The following TRAPPC9 variants were observed in gnomAD, a reference collection of about 807,000 sequenced individuals.
TRAPPC9 encodes the protein trafficking protein particle complex subunit 9, also known as IKK2 binding protein.
A neutral mutation model predicts 124.0 loss-of-function variants in TRAPPC9; 83 were observed. The ratio of observed to expected loss-of-function variants is 0.67; its 90% CI spans 0.56 to 0.80. TRAPPC9 has a LOEUF of 0.80. TRAPPC9 is among the 30% of genes least tolerant of loss of function. The pLI, the probability that TRAPPC9 is intolerant of heterozygous loss-of-function variation, is 0.00. For missense variants in TRAPPC9, 1,302 were observed against 1,508.3 expected (o/e 0.86, Z 2.27); for synonymous variants, 638 against 617.5 (o/e 1.03, Z -0.49).
In TRAPPC9 at chr8:139,960,663, C is replaced by T. The variant is rs959302988; in HGVS notation, c.2810+28063G>A. Among the ~76,000 whole-genome samples the T allele has an allele frequency of 2.4e-4, 15 of 63,218 alleles. 6 individuals are homozygous for T. The highest frequency in any genetic ancestry group is 4.7e-4 in the Non-Finnish European group (9 of 19,208). The allele number at this position is 63,218 out of a possible 152,430, so 41.5% of individuals were successfully genotyped here. On this transcript the variant is annotated intron_variant, in intron 19 of 22. Transcript: ENST00000438773. Reference sequence around the variant, plus strand: ...GTAGGCCAGGACTCACCAATCTCTCCGTCCTCAACGGAGAAGCCAGAATCC... The same window carrying T: ...GTAGGCCAGGACTCACCAATCTCTCTGTCCTCAACGGAGAAGCCAGAATCC...
Position 140,311,253 on chromosome 8 carries a change from G to C in TRAPPC9, c.1617C>G (p.Ile539Met), listed in dbSNP as rs371833815. ...CTCTGCAGTGCCCATCTCACCTGAC[G>C]ATGGGAAGCTTGGTGAAGGGCACCG... The part of the protein sequence containing the change: ...LPPVPFTKLP[I>M]VRHVKLLNLP... Residue 539 changes from isoleucine to methionine, a missense_variant, in exon 10 of 23, where the codon ATC (isoleucine) becomes ATG (methionine). By Grantham distance (10) the Ile-to-Met change is conservative (BLOSUM62 1). This residue lies in a region of TRAPPC9 where 657 missense variants were observed against 811.2 expected (regional missense o/e 0.81). Coordinates refer to ENST00000438773, the MANE Select transcript of TRAPPC9 (RefSeq NM_001160372.4). 3 of 1,611,114 alleles carry C rather than the reference G, an allele frequency of 1.9e-6. No homozygotes were observed. In the African/African-American group the frequency reaches 4.0e-5, roughly 21 times the overall value.
chr8:140,251,201 C>T (rs2064124523), intron 16 of TRAPPC9, among the ~76,000 whole-genome samples: 1 of 152,242 alleles, frequency 6.6e-6, no homozygotes, highest in South Asian at 2.1e-4. Context: ...CGTGCCAAGA[C>T]ATAGCCCTGG....
chr8:140,438,441 C>T (rs553253446), intron 3 of TRAPPC9, among the ~76,000 whole-genome samples: 46 of 152,154 alleles, frequency 3.0e-4, no homozygotes, highest in Middle Eastern at 3.4e-3. Context: ...AGGGAGGAGT[C>T]TAAGAGGTGA....
At chr8:140,022,516 G>A (rs554302036) in intron 18 of TRAPPC9, among the ~76,000 whole-genome samples, 6 of 152,076 alleles carry the variant, frequency 3.9e-5, no homozygotes, top group African/African-American at 1.4e-4. Flanking sequence ...GGGTCATGAC[G>A]TGAAAACCAG....
At chr8:140,110,030 C>T (rs2060735090) in intron 17 of TRAPPC9, among the ~76,000 whole-genome samples, 1 of 152,096 alleles carries the variant, frequency 6.6e-6, no homozygotes, top group African/African-American at 2.4e-5. Flanking sequence ...CATCAACAGG[C>T]TCCGCATGCC....
At chr8:140,300,959 T>TA (rs1472776532) in intron 10 of TRAPPC9, among the ~76,000 whole-genome samples, 3 of 152,178 alleles carry the variant, frequency 2.0e-5, no homozygotes, top group African/African-American at 7.2e-5. Context: ...TGCCTTGCCA[T>TA]CTCTAAGACG....
intron 15 of TRAPPC9, chr8:140,262,870 ACTTGAAG>A (rs1386703771): frequency 1.3e-5 from 2 of 152,388 alleles, no homozygotes; most frequent in Middle Eastern, 3.4e-3. Flanking sequence ...AATTAATTCT[ACTTGAAG>A]GGCTCGGGAA....
At chr8:140,214,064 A>T (rs1300631625) in intron 17 of TRAPPC9, among the ~76,000 whole-genome samples, 1 of 152,244 alleles carries the variant, frequency 6.6e-6, no homozygotes, top group East Asian at 1.9e-4. Context: ...TCAACAGGCA[A>T]AGCCATGGGT....
At chr8:139,940,886 G>T (rs1281716801) in intron 19 of TRAPPC9, among the ~76,000 whole-genome samples, 1 of 152,240 alleles carries the variant, frequency 6.6e-6, no homozygotes, top group Non-Finnish European at 1.5e-5. Context: ...CTGGGCCAGG[G>T]TGAAGGGGAG....
intron 17 of TRAPPC9, among the ~76,000 whole-genome samples, chr8:140,180,118 T>G (rs2062164170): frequency 6.6e-6 from 1 of 150,792 alleles, no homozygotes. Flanking sequence ...TTGCTATTTC[T>G]CCCGTCTCTT....
intron 21 of TRAPPC9, among the ~76,000 whole-genome samples, chr8:139,837,839 C>T (rs886386481): frequency 6.6e-6 from 1 of 152,064 alleles, no homozygotes; most frequent in Non-Finnish European, 1.5e-5. Context: ...TCCATCCAGT[C>T]GGCCCATGTC....
intron 17 of TRAPPC9, among the ~76,000 whole-genome samples, chr8:140,168,772 G>A (rs933549055): frequency 6.6e-6 from 1 of 152,176 alleles, no homozygotes; most frequent in Non-Finnish European, 1.5e-5. Context: ...GATGTGGGGT[G>A]CATTTCACTC....
intron 5 of TRAPPC9, among the ~76,000 whole-genome samples, chr8:140,418,544 A>C (rs904019208): frequency 6.6e-6 from 1 of 152,136 alleles, no homozygotes; most frequent in Admixed American, 6.5e-5. Flanking sequence ...AACATGATAA[A>C]ACCCTGTCTC....
intron 21 of TRAPPC9, among the ~76,000 whole-genome samples, chr8:139,783,890 CCATATGAT>C (rs1362153968): frequency 6.6e-6 from 1 of 152,088 alleles, no homozygotes; most frequent in Non-Finnish European, 1.5e-5. Context: ...AAAAGAGAAA[CCATATGAT>C]CATCTTAATG....
intron 17 of TRAPPC9, among the ~76,000 whole-genome samples, chr8:140,187,300 G>A (rs914988605): frequency 6.6e-6 from 1 of 152,170 alleles, no homozygotes; most frequent in African/African-American, 2.4e-5. Context: ...TGGAGCCGAT[G>A]CCCCACCTAG....
intron 21 of TRAPPC9, among the ~76,000 whole-genome samples, chr8:139,740,032 G>T (rs1818451098): frequency 6.6e-6 from 1 of 152,182 alleles, no homozygotes; most frequent in Non-Finnish European, 1.5e-5. Flanking sequence ...TGGCACATGA[G>T]GGACCAGGGC....
chr8:139,862,744 G>C (rs1397028279), intron 21 of TRAPPC9, among the ~76,000 whole-genome samples: 3 of 152,230 alleles, frequency 2.0e-5, no homozygotes, highest in African/African-American at 4.8e-5. Context: ...TCCTAAGTAA[G>C]CCACAGAAAG....
At chr8:140,440,290 A>C (rs377567977) in intron 2 of TRAPPC9, among the ~76,000 whole-genome samples, 97 of 152,144 alleles carry the variant, frequency 6.4e-4, no homozygotes, top group African/African-American at 2.1e-3. Context: ...GGCGGATCAC[A>C]AGGTCAGGAG....
chr8:140,029,623 A>C (rs560408107), intron 17 of TRAPPC9, among the ~76,000 whole-genome samples: 1 of 145,110 alleles, frequency 6.9e-6, no homozygotes, highest in East Asian at 2.0e-4. Flanking sequence ...CTTTAAGTAT[A>C]ATAATAATAA....
Sources: gnomAD v4.1 joint callset for allele counts (sites outside exome capture counted in the v4.1 genomes callset) on GRCh38, gnomAD v4.1.1 for gene constraint, gnomAD v4.1.1 regional missense constraint, MANE v1.5 for transcripts, NCBI Gene and HGNC (gene_info 2026-07-23, HGNC 2026-07-21) for gene names.